Variants in NAGS observed in about 807,000 individuals in gnomAD.
The protein encoded by NAGS is N-acetylglutamate synthase, mitochondrial.
In NAGS, 34 loss-of-function variants were observed where a neutral mutation model predicts 46.9. That is an observed-to-expected ratio of 0.72 (90% CI 0.55 to 0.97). The LOEUF (loss-of-function observed/expected upper bound fraction) is 0.97. NAGS is among the 50% of genes least tolerant of loss of function. The probability of loss-of-function intolerance (pLI) is 0.00; values close to 1 mark genes in which losing one functional copy is unlikely to be tolerated. For missense variants in NAGS, 665 were observed against 747.0 expected (o/e 0.89, Z 1.28); for synonymous variants, 334 against 346.3 (o/e 0.96, Z 0.39).
Position 44,006,035 on chromosome 17 carries a change from T to C in NAGS, c.713T>C (p.Ile238Thr), listed in dbSNP as rs763889856. The C allele has an allele frequency of 6.2e-7, 1 of 1,602,652 alleles. No individual in the cohort carries two copies. The highest frequency in any genetic ancestry group is 1.1e-5 in the South Asian group (1 of 89,774). ...CGTCTGGCCCACAGCTACGGCGGCATCGTCTCGGTGGAGACAGACCTGCTG... is the reference window on the plus strand; with the variant it reads ...CGTCTGGCCCACAGCTACGGCGGCACCGTCTCGGTGGAGACAGACCTGCTG... The part of the protein sequence containing the change: ...EPAPHASYGG[I>T]VSVETDLLQW... Residue 238 changes from isoleucine to threonine, a missense_variant, in exon 3 of 7, where the codon ATC (isoleucine) becomes ACC (threonine). Ile to Thr is a moderately conservative substitution (Grantham distance 89). Coordinates refer to ENST00000293404, the MANE Select transcript of NAGS (RefSeq NM_153006.3). The surrounding 1 kb of genome is among the most constrained non-coding windows in gnomAD (Gnocchi z 4.8).
At position 44,007,507 on chromosome 17, in the gene NAGS, AC is replaced by A. The variant is rs1215877095; in HGVS notation, c.1268+17del. The A allele has an allele frequency of 6.2e-7, 1 of 1,613,360 alleles. No homozygotes were observed. Among genetic ancestry groups the A allele is most frequent in the East Asian group, 2.2e-5 (1 of 44,824 alleles). On this transcript the variant is annotated intron_variant, in intron 5 of 6. Transcript: ENST00000293404. This position sits in a 1 kb window ranked among gnomAD's most constrained non-coding sequence, Gnocchi z 5.1. ...ACGTCTCCGAGGGGTAAGCCTGCGG[AC>A]CCCAGAGGGCGGGGTCTGGGGGGCA...
rs955499901 is a variant in NAGS, at chr17:44,006,646, C to T, written c.1033C>T (p.His345Tyr). ...LIVDVLSRLP[H>Y]HSSAVITAAS... is the part of the protein sequence containing the mutation. Reference sequence around the variant, plus strand: ...CGTGGACGTGCTCAGCCGCCTGCCCCACCACTCCTCGGCCGTCATCACCGC... The same window carrying T: ...CGTGGACGTGCTCAGCCGCCTGCCCTACCACTCCTCGGCCGTCATCACCGC... Residue 345 changes from histidine (H) to tyrosine (Y), a missense_variant, in exon 4 of 7, where the codon CAC becomes TAC. His to Tyr is a moderately conservative substitution (Grantham distance 83). Coordinates refer to ENST00000293404, the MANE Select transcript of NAGS (RefSeq NM_153006.3). The surrounding 1 kb of genome is among the most constrained non-coding windows in gnomAD (Gnocchi z 4.8). The T allele has an allele frequency of 6.2e-7, 1 of 1,609,840 alleles. No individual in the cohort carries two copies. The highest frequency in any genetic ancestry group is 1.3e-5 in the African/African-American group (1 of 75,014).
chr17:44,008,394 T>TGA, intron 6 of NAGS, 54 bp from the exon 7 acceptor site: 1 of 1,603,620 alleles, frequency 6.2e-7, no homozygotes, highest in African/African-American at 1.3e-5. Flanking sequence ...CAGTGAGTAA[T>TGA]GAACACTGGC....
Position 44,005,847 on chromosome 17 carries a change from G to A in NAGS, c.637G>A (p.Ala213Thr), listed in dbSNP as rs750504584. ...LVDALRHNAA[A>T]AVPFFGGGSV... ...AGACGCGCTTCGACACAACGCCGCC[G>A]CTGCTGTGCCATTTTTTGGCGGCGG... The change falls in exon 2 of 7, where the codon GCT (alanine) becomes ACT (threonine). Residue 213 changes from alanine (A) to threonine (T), a missense_variant. Ala to Thr is a moderately conservative substitution (Grantham distance 58). Coordinates refer to ENST00000293404, the MANE Select transcript of NAGS (RefSeq NM_153006.3). This position sits in a 1 kb window ranked among gnomAD's most constrained non-coding sequence, Gnocchi z 7.2. The A allele has an allele frequency of 4.5e-6, 7 of 1,562,938 alleles. No homozygotes were observed. The highest frequency in any genetic ancestry group is 1.4e-5 in the African/African-American group (1 of 74,060).
chr17:44,007,576 C>G lies in NAGS; in HGVS notation c.1269-15C>G. On this transcript the variant is annotated splice_polypyrimidine_tract_variant and intron_variant, in intron 5 of 6. Coordinates refer to ENST00000293404, the MANE Select transcript of NAGS (RefSeq NM_153006.3). The surrounding 1 kb of genome is among the most constrained non-coding windows in gnomAD (Gnocchi z 5.1). ...CAAGGAGAGGTCCCAGCCTGCCGCT[C>G]TCCCGCTGCGCCAGGTACAACGCCG... 6.2e-7 allele frequency: 1 copy of G among 1,611,410 alleles called. No individual in the cohort carries two copies. The highest frequency in any genetic ancestry group is 8.5e-7 in the Non-Finnish European group (1 of 1,179,038).
At position 44,004,892 on chromosome 17, in the gene NAGS, G is replaced by A; in HGVS notation, c.229G>A (p.Glu77Lys). ...DDVSQSPVAE[E>K]PSWVPSPRPP... Reference sequence around the variant, plus strand: ...CGTCTCCCAGTCGCCCGTCGCCGAGGAGCCGTCGTGGGTGCCGAGTCCCAG... The same window carrying A: ...CGTCTCCCAGTCGCCCGTCGCCGAGAAGCCGTCGTGGGTGCCGAGTCCCAG... The change falls in exon 1 of 7, where the codon GAG becomes AAG. Residue 77 changes from glutamate (E) to lysine (K), a missense_variant. Physicochemically the swap from Glu to Lys is moderately conservative, Grantham distance 56 (BLOSUM62 1). Coordinates refer to ENST00000293404, the MANE Select transcript of NAGS (RefSeq NM_153006.3). 1.3e-6 allele frequency: 2 copies of A among 1,532,938 alleles called. No individual in the cohort carries two copies. The highest frequency in any genetic ancestry group is 2.4e-5 in the East Asian group (1 of 40,822). The allele number at this position is 1,532,938 out of a possible 1,614,324, so 95.0% of individuals were successfully genotyped here.
rs551656500 is a variant in NAGS, at chr17:44,006,964, C to A, written c.1096+255C>A. On this transcript the variant is annotated intron_variant, in intron 4 of 6. Transcript: ENST00000293404. The surrounding 1 kb of genome is among the most constrained non-coding windows in gnomAD (Gnocchi z 4.8). ...CTAGGGGGGAGAAGGAGGGGCCCCC[C>A]GGTGGGCGGGGCCAGGGGCGGGACC... 4 of 205,194 alleles carry A rather than the reference C, an allele frequency of 1.9e-5. No homozygotes were observed. Among genetic ancestry groups the A allele is most frequent in the South Asian group, 8.7e-5 (2 of 22,882 alleles). The allele number at this position is 205,194 out of a possible 1,614,324, so 12.7% of individuals were successfully genotyped here.
In NAGS at chr17:44,005,948, G is replaced by A. The variant is rs1422483047; in HGVS notation, c.701+37G>A. Reference sequence around the variant, plus strand: ...CCCTGCCCGCCCAGGCGTCCTCAGAGCGTGCTACTCTGCCCGCCCTGCCCC... The same window carrying A: ...CCCTGCCCGCCCAGGCGTCCTCAGAACGTGCTACTCTGCCCGCCCTGCCCC... On this transcript the variant is annotated intron_variant, in intron 2 of 6. Coordinates refer to ENST00000293404, the MANE Select transcript of NAGS (RefSeq NM_153006.3). The surrounding 1 kb of genome is among the most constrained non-coding windows in gnomAD (Gnocchi z 7.2). The A allele has an allele frequency of 6.4e-7, 1 of 1,550,406 alleles. No individual in the cohort carries two copies. Among genetic ancestry groups the A allele is most frequent in the Non-Finnish European group, 8.7e-7 (1 of 1,152,090 alleles).
Position 44,006,117 on chromosome 17 carries a change from C to T in NAGS, c.795C>T (p.Ala265=), listed in dbSNP as rs763221725. The T allele has an allele frequency of 2.5e-6, 4 of 1,612,954 alleles. No individual in the cohort carries two copies. In the Admixed American group the frequency reaches 6.7e-5, roughly 27 times the overall value. ...IPILCPIGET[A]ARRSVLLDSL... is the part of the protein sequence containing the mutation. ...TCCTGTGCCCCATCGGGGAGACGGC[C>T]GCGCGCCGCTCCGTGCTTCTCGACT... Residue 265 remains alanine, a synonymous_variant, in exon 3 of 7, where the codon GCC becomes GCT. Coordinates refer to ENST00000293404, the MANE Select transcript of NAGS (RefSeq NM_153006.3). The surrounding 1 kb of genome is among the most constrained non-coding windows in gnomAD (Gnocchi z 4.8).
At chr17:44,008,262 G>T (rs1200536194) in intron 6 of NAGS, among the ~76,000 whole-genome samples, 186 bp from the exon 7 acceptor site, 1 of 152,200 alleles carries the variant, frequency 6.6e-6, no homozygotes, top group African/African-American at 2.4e-5. Context: ...TCTGTGAGCT[G>T]AGCATCACAA....
chr17:44,005,551 G>T lies in NAGS; in HGVS notation c.427-86G>T, dbSNP rs2049074397. ...TCCTGACAGCTTCTGGAAGGGTAGG[G>T]TCACCGAGACGGCCCTGCAGGCCAG... is the stretch of plus-strand genomic sequence containing the variant. On this transcript the variant is annotated intron_variant, in intron 1 of 6. Transcript: ENST00000293404. The surrounding 1 kb of genome is among the most constrained non-coding windows in gnomAD (Gnocchi z 7.2). 6.5e-7 allele frequency: 1 copy of T among 1,542,532 alleles called. No individual in the cohort carries two copies. Among genetic ancestry groups the T allele is most frequent in the East Asian group, 2.4e-5 (1 of 41,474 alleles).
rs1442956127 is a variant in NAGS, at chr17:44,008,543, A to G, written c.1547A>G (p.Asn516Ser). Residue 516 changes from asparagine to serine, a missense_variant, in exon 7 of 7, where the codon AAC (asparagine) becomes AGC (serine). By Grantham distance (46) the Asn-to-Ser change is conservative (BLOSUM62 1). Transcript: ENST00000293404. ...ATCCGGGACTCCTATGAGTTGGTCA[A>G]CCACGCCAAGGGACTGCCAGACTCC... ...ADIRDSYELV[N>S]HAKGLPDSFH... 4 of 1,614,256 alleles carry G rather than the reference A, an allele frequency of 2.5e-6. No homozygotes were observed. Among genetic ancestry groups the G allele is most frequent in the African/African-American group, 1.3e-5 (1 of 75,074 alleles).
In NAGS at chr17:44,006,544, A is replaced by C; in HGVS notation, c.931A>C (p.Asn311His). 6.4e-7 allele frequency: 1 copy of C among 1,557,316 alleles called. No individual in the cohort carries two copies. Among genetic ancestry groups the C allele is most frequent in the Non-Finnish European group, 8.7e-7 (1 of 1,150,132 alleles). Residue 311 changes from asparagine (N) to histidine (H), a missense_variant, in exon 4 of 7, where the codon AAC becomes CAC. Coordinates refer to ENST00000293404, the MANE Select transcript of NAGS (RefSeq NM_153006.3). This position sits in a 1 kb window ranked among gnomAD's most constrained non-coding sequence, Gnocchi z 4.8. ...CCGGACACAGGTCCTGAGTAACGTGAACCTGCCCGCCGACCTGGACCTGGT... is the reference window on the plus strand; with the variant it reads ...CCGGACACAGGTCCTGAGTAACGTGCACCTGCCCGCCGACCTGGACCTGGT... ...DSSHKVLSNV[N>H]LPADLDLVCN... is the part of the protein sequence containing the mutation.
chr17:44,005,299 C>A lies in NAGS; in HGVS notation c.426+210C>A, dbSNP rs957770468. On this transcript the variant is annotated intron_variant, in intron 1 of 6. Transcript: ENST00000293404. The surrounding 1 kb of genome is among the most constrained non-coding windows in gnomAD (Gnocchi z 7.2). ...CAGCCCGAGTGAGGATCCTGGGGGA[C>A]CCCACCCGCCAGGTGTGATGCTCTG... is the stretch of plus-strand genomic sequence containing the variant. Among the ~76,000 whole-genome samples, 1 of 152,178 alleles carries A rather than the reference C, an allele frequency of 6.6e-6. No individual in the cohort carries two copies. The highest frequency in any genetic ancestry group is 1.5e-5 in the Non-Finnish European group (1 of 68,030).
chr17:44,007,057 G>A lies in NAGS; in HGVS notation c.1097-266G>A, dbSNP rs1206564248. 1 of 582,614 alleles carries A rather than the reference G, an allele frequency of 1.7e-6. No individual in the cohort carries two copies. The highest frequency in any genetic ancestry group is 3.1e-5 in the Admixed American group (1 of 32,052). 36.1% of individuals were successfully genotyped at this position (582,614 alleles called of 1,614,324 possible). The stretch of plus-strand genomic sequence containing the variant: ...TGGGTGGGCCGGGTCAGCGGCGGGA[G>A]ACAGACTTCAAGGAGCGAGGCAAGA... On this transcript the variant is annotated intron_variant, in intron 4 of 6. Transcript: ENST00000293404. The surrounding 1 kb of genome is among the most constrained non-coding windows in gnomAD (Gnocchi z 5.1).
At position 44,004,861 on chromosome 17, in the gene NAGS, GGAC is replaced by G; in HGVS notation, c.203_205del (p.Asp68del). On this transcript the variant is annotated inframe_deletion, in exon 1 of 7. Transcript: ENST00000293404. Reference sequence around the variant, plus strand: ...CCCCGCCCGAGGAGTACGCGGGCGCGGACGACGTCTCCCAGTCGCCCGTCGCCG... The same window carrying G: ...CCCCGCCCGAGGAGTACGCGGGCGCGGACGTCTCCCAGTCGCCCGTCGCCG... The G allele has an allele frequency of 6.5e-7, 1 of 1,529,328 alleles. No homozygotes were observed. The highest frequency in any genetic ancestry group is 8.7e-7 in the Non-Finnish European group (1 of 1,144,270). 94.7% of individuals were successfully genotyped at this position (1,529,328 alleles called of 1,614,324 possible).
chr17:44,006,825 C>A lies in NAGS; in HGVS notation c.1096+116C>A. The A allele has an allele frequency of 1.8e-6, 2 of 1,138,312 alleles. No homozygotes were observed. The highest frequency in any genetic ancestry group is 2.4e-6 in the Non-Finnish European group (2 of 821,146). The allele number at this position is 1,138,312 out of a possible 1,614,324, so 70.5% of individuals were successfully genotyped here. A position where few individuals can be genotyped will look rare whatever the true frequency, so the allele number is the denominator to read the frequency against. ...CCTGTCCAGGAGCCGTAGGGGGAGGCGGGGGGTGTCACAGCAATGGCTCCT... is the reference window on the plus strand; with the variant it reads ...CCTGTCCAGGAGCCGTAGGGGGAGGAGGGGGGTGTCACAGCAATGGCTCCT... On this transcript the variant is annotated intron_variant, in intron 4 of 6. Coordinates refer to ENST00000293404, the MANE Select transcript of NAGS (RefSeq NM_153006.3). The surrounding 1 kb of genome is among the most constrained non-coding windows in gnomAD (Gnocchi z 4.8).
rs186636 is a variant in NAGS at position 44,008,604 on chromosome 17, C to T, written c.*3C>T. 986,680 of 1,613,478 alleles carry T rather than the reference C, an allele frequency of 0.61. 308,699 individuals carry two copies. Among genetic ancestry groups the T allele is most frequent in the Middle Eastern group, 0.7 (4,011 of 5,706 alleles). On this transcript the variant is annotated 3_prime_UTR_variant, in exon 7 of 7. Transcript: ENST00000293404. ...CAGCTTCTGACCCAGGCAGCTGACCCTCACCATGGACACTACAGGCCCTGG... is the reference window on the plus strand; with the variant it reads ...CAGCTTCTGACCCAGGCAGCTGACCTTCACCATGGACACTACAGGCCCTGG...
Position 44,006,165 on chromosome 17 carries a change from G to C in NAGS, c.843G>C (p.Leu281=), listed in dbSNP as rs1377212415. The C allele has an allele frequency of 6.2e-7, 1 of 1,613,400 alleles. No homozygotes were observed. The highest frequency in any genetic ancestry group is 1.3e-5 in the African/African-American group (1 of 75,062). ...LLDSLEVTAS[L]AKALRPTKII... ...ACTCCCTGGAGGTGACCGCGTCGCT[G>C]GCCAAGGCGCTGCGGCCCACCAAAA... The change falls in exon 3 of 7, where the codon CTG becomes CTC. Residue 281 remains leucine, a synonymous_variant. Coordinates refer to ENST00000293404, the MANE Select transcript of NAGS (RefSeq NM_153006.3). This position sits in a 1 kb window ranked among gnomAD's most constrained non-coding sequence, Gnocchi z 4.8.
Sources: allele counts gnomAD v4.1 joint callset (sites outside exome capture counted in the v4.1 genomes callset), GRCh38; gene constraint gnomAD v4.1.1; non-coding constraint Gnocchi (gnomAD v3.1); transcripts MANE v1.5; gene names NCBI Gene and HGNC (gene_info 2026-07-23, HGNC 2026-07-21).